MCF2: variants seen among roughly 807,000 people sequenced by gnomAD.
MCF2 encodes the protein MCF.2 cell line derived transforming sequence, also known as proto-oncogene DBL.
MCF2 carries 44 observed loss-of-function variants against 82.5 expected under a neutral mutation model. The ratio of observed to expected loss-of-function variants is 0.53; its 90% CI spans 0.42 to 0.69. The LOEUF (loss-of-function observed/expected upper bound fraction) is 0.69, where lower values mean the gene tolerates loss of function less well. MCF2 is among the 30% of genes least tolerant of loss of function. MCF2 has a pLI of 0.00. For missense variants in MCF2, 623 were observed against 663.1 expected (o/e 0.94, Z 0.66); for synonymous variants, 217 against 224.9 (o/e 0.96, Z 0.32).
At chrX:139,654,284 C>T (rs5953523) in intron 1 of MCF2, among the ~76,000 whole-genome samples, 7,494 of 111,295 alleles carry the variant, frequency 0.067, 606 homozygotes, top group African/African-American at 0.23. Context: ...TTCCCCTTTC[C>T]CCACACCCTC....
chrX:139,684,134 A>G (rs895531642), intron 1 of MCF2, among the ~76,000 whole-genome samples: 1 of 112,494 alleles, frequency 8.9e-6, no homozygotes, highest in African/African-American at 3.2e-5. Context: ...ACTCAACAGT[A>G]AAAGAGGAAA....
chrX:139,624,668 C>A (rs1459667938), intron 6 of MCF2, among the ~76,000 whole-genome samples: 1 of 111,310 alleles, frequency 9.0e-6, no homozygotes, highest in East Asian at 2.8e-4. Flanking sequence ...TATATAGGAT[C>A]CGATTCTGAA....
chrX:139,614,820 C>G, intron 10 of MCF2, 61 bp downstream of exon 13: 1 of 1,010,726 alleles, frequency 9.9e-7, no homozygotes, highest in Non-Finnish European at 1.4e-6. Context: ...GTATTTACAT[C>G]AAGAGTAACA....
chrX:139,648,137 C>G (rs184284244), intron 2 of MCF2, among the ~76,000 whole-genome samples: 1 of 111,342 alleles, frequency 9.0e-6, no homozygotes, highest in Admixed American at 9.5e-5. Context: ...TTTGGGAGGC[C>G]GAAGCCAGAG....
chrX:139,664,507 A>C (rs1934453459), intron 1 of MCF2, among the ~76,000 whole-genome samples: 1 of 111,208 alleles, frequency 9.0e-6, no homozygotes, highest in Non-Finnish European at 1.9e-5. Context: ...CTTAAGGCCC[A>C]AGGGATCTTT....
At chrX:139,661,376 G>A (rs903229928) in intron 1 of MCF2, among the ~76,000 whole-genome samples, 7 of 111,988 alleles carry the variant, frequency 6.3e-5, no homozygotes, top group Admixed American at 3.8e-4. Context: ...ACACAAAGAT[G>A]TTGTCCAGGC....
At chrX:139,623,362 T>C (rs180812269) in intron 6 of MCF2, among the ~76,000 whole-genome samples, 1 of 111,202 alleles carries the variant, frequency 9.0e-6, no homozygotes, top group Non-Finnish European at 1.9e-5. Context: ...ATAAAGAAAA[T>C]GTGGTACAAA....
intron 1 of MCF2, among the ~76,000 whole-genome samples, chrX:139,665,064 A>G (rs1431446931): frequency 1.8e-5 from 2 of 111,230 alleles, no homozygotes; most frequent in African/African-American, 6.6e-5. Context: ...GACAAAAGTC[A>G]TCTTTACTCT....
chrX:139,656,349 A>G (rs1372416631), intron 1 of MCF2, among the ~76,000 whole-genome samples: 2 of 112,316 alleles, frequency 1.8e-5, no homozygotes, highest in Non-Finnish European at 3.8e-5. Flanking sequence ...GGCGTGAGCC[A>G]CCGCACCCGG....
chrX:139,587,672 C>T, intron 22 of MCF2, 44 bp downstream of exon 26: 1 of 877,584 alleles, frequency 1.1e-6, no homozygotes. Context: ...ATACAGAAAA[C>T]AAAAGATTGC....
intron 19 of MCF2, among the ~76,000 whole-genome samples, chrX:139,594,695 G>A (rs1389844251): frequency 9.1e-6 from 1 of 109,343 alleles, no homozygotes; most frequent in Non-Finnish European, 1.9e-5. Context: ...AACACCAAAA[G>A]CAATGGCAAC....
intron 1 of MCF2, among the ~76,000 whole-genome samples, chrX:139,691,761 G>C (rs964652309): frequency 3.7e-5 from 4 of 109,094 alleles, no homozygotes; most frequent in Non-Finnish European, 7.7e-5. Context: ...CGGGCGAGGT[G>C]GGGGGGTTGT....
chrX:139,587,272 C>G (rs1382435436), intron 22 of MCF2, among the ~76,000 whole-genome samples: 3 of 110,893 alleles, frequency 2.7e-5, no homozygotes, highest in Non-Finnish European at 5.7e-5. Context: ...TACCTTCTCT[C>G]TATGTAGAGA....
intron 6 of MCF2, among the ~76,000 whole-genome samples, chrX:139,622,981 G>T (rs1024798296): frequency 3.6e-5 from 4 of 111,209 alleles, no homozygotes; most frequent in African/African-American, 1.3e-4. Context: ...CCAACAAAGA[G>T]GAGAAAATGC....
chrX:139,602,179 G>A (rs1041134570), intron 16 of MCF2, among the ~76,000 whole-genome samples: 8 of 110,933 alleles, frequency 7.2e-5, no homozygotes, highest in Non-Finnish European at 1.9e-5. Flanking sequence ...GTCATTTGGA[G>A]CTATGGAGGT....
intron 1 of MCF2, among the ~76,000 whole-genome samples, chrX:139,665,822 T>A (rs1790318141): frequency 9.5e-6 from 1 of 105,154 alleles, no homozygotes; most frequent in Non-Finnish European, 1.9e-5. Context: ...GTGAGTTATG[T>A]GTTTTCATGT....
At position 139,689,998 on chromosome X, in the gene MCF2, T is replaced by C. The variant is rs982562749; in HGVS notation, c.-45+18108A>G. Reference sequence around the variant, plus strand: ...TTAATATATAAATAGCTTCGAAGTATATGGAAATCCATTTTACATTTAAAA... The same window carrying C: ...TTAATATATAAATAGCTTCGAAGTACATGGAAATCCATTTTACATTTAAAA... On this transcript the variant is annotated intron_variant, in intron 1 of 27. Transcript: ENST00000414978. Among the ~76,000 whole-genome samples, 40 of 112,592 alleles carry C rather than the reference T, an allele frequency of 3.6e-4. 1 individual carries two copies. Among genetic ancestry groups the C allele is most frequent in the Non-Finnish European group, 6.7e-4 (36 of 53,368 alleles).
chrX:139,699,620 T>G (rs181193100), intron 1 of MCF2, among the ~76,000 whole-genome samples: 61 of 112,281 alleles, frequency 5.4e-4, no homozygotes, highest in Admixed American at 1.5e-3. Flanking sequence ...ACTTTTATAT[T>G]TGGATTCTTT....
chrX:139,608,640 G>A (rs1334438951), intron 11 of MCF2, among the ~76,000 whole-genome samples: 2 of 111,282 alleles, frequency 1.8e-5, no homozygotes, highest in Non-Finnish European at 3.8e-5. Context: ...GTATCTATCA[G>A]CTAAATATTT....
Sources: allele counts gnomAD v4.1 joint callset (sites outside exome capture counted in the v4.1 genomes callset), GRCh38; gene constraint gnomAD v4.1.1; transcripts MANE v1.5; gene names NCBI Gene and HGNC (gene_info 2026-07-23, HGNC 2026-07-21).